Variants in LPO observed in about 807,000 individuals in gnomAD.
LPO encodes lactoperoxidase.
Under a neutral mutation model 68.4 loss-of-function variants are expected in LPO, and 70 were observed. The observed-to-expected ratio is 1.02, with a 90% CI of 0.84 to 1.25. The LOEUF is 1.25. Ranked by LOEUF, LPO falls within the 50% of genes most tolerant of loss-of-function variation. The pLI, the probability that LPO is intolerant of heterozygous loss-of-function variation, is 0.00. For missense variants in LPO, 873 were observed against 908.4 expected (o/e 0.96, Z 0.50); for synonymous variants, 360 against 357.6 (o/e 1.01, Z -0.08).
At chr17:58,267,666 A>T (rs933375716) in intron 12 of LPO, 80 bp downstream of exon 12, 3 of 1,463,568 alleles carry the variant, frequency 2.0e-6, no homozygotes, top group Non-Finnish European at 2.8e-6. Flanking sequence ...GTGAGCGCTG[A>T]CTCCGGATCT....
intron 9 of LPO, among the ~76,000 whole-genome samples, chr17:58,258,600 C>T (rs1970116221): frequency 6.6e-6 from 1 of 152,120 alleles, no homozygotes; most frequent in Non-Finnish European, 1.5e-5. Flanking sequence ...GTTCTTTTTG[C>T]TTAGGATAAC....
Position 58,250,723 on chromosome 17 carries a change from A to G in LPO, c.780+102A>G. 4.0e-6 allele frequency: 5 copies of G among 1,242,046 alleles called. No homozygotes were observed. The South Asian group carries it at 5.2e-5, about 13-fold the overall frequency. 76.9% of individuals were successfully genotyped at this position (1,242,046 alleles called of 1,614,324 possible). ...TAGGATCTCTGGATAGATCTGGGATACTGATTTGGTAGTTTCCCATGCCTC... is the reference window on the plus strand; with the variant it reads ...TAGGATCTCTGGATAGATCTGGGATGCTGATTTGGTAGTTTCCCATGCCTC... On this transcript the variant is annotated intron_variant, in intron 7 of 12. Coordinates refer to ENST00000262290, the MANE Select transcript of LPO (RefSeq NM_006151.3).
intron 9 of LPO, among the ~76,000 whole-genome samples, chr17:58,259,718 C>T (rs1245317407): frequency 1.3e-5 from 2 of 152,144 alleles, no homozygotes; most frequent in Non-Finnish European, 2.9e-5. Context: ...AAGTATGTCT[C>T]CCCAATCTTT....
At chr17:58,261,543 T>TAA (rs796408395) in intron 9 of LPO, among the ~76,000 whole-genome samples, 1 of 145,458 alleles carries the variant, frequency 6.9e-6, no homozygotes, top group Non-Finnish European at 1.5e-5. Context: ...TTGGGTCACT[T>TAA]AAAAAAAAAA....
intron 9 of LPO, among the ~76,000 whole-genome samples, chr17:58,255,700 A>T (rs1381641924): frequency 6.6e-6 from 1 of 152,134 alleles, no homozygotes; most frequent in East Asian, 1.9e-4. Flanking sequence ...TGTACAGGAA[A>T]TTTTTAAAAA....
At chr17:58,252,652 GC>G (rs2143912972) in intron 8 of LPO, 146 bp downstream of exon 8, 1 of 740,386 alleles carries the variant, frequency 1.4e-6, no homozygotes, top group Non-Finnish European at 2.2e-6. Context: ...TAGCAGAAGG[GC>G]CCAGATGAAT....
intron 11 of LPO, 141 bp downstream of exon 11, chr17:58,266,467 G>A: frequency 1.0e-6 from 1 of 984,608 alleles, no homozygotes; most frequent in Non-Finnish European, 1.4e-6. Flanking sequence ...TTTTGTTTGA[G>A]GTTTTTTTTT....
At position 58,268,164 on chromosome 17, in the gene LPO, G is replaced by C; in HGVS notation, c.*170G>C. The C allele has an allele frequency of 1.6e-6, 1 of 637,152 alleles. No homozygotes were observed. The highest frequency in any genetic ancestry group is 1.9e-5 in the South Asian group (1 of 51,502). The allele number at this position is 637,152 out of a possible 1,614,324, so 39.5% of individuals were successfully genotyped here. Reference sequence around the variant, plus strand: ...CTCAGGCCCCAGGGTGGCTGCCTCGGCCCTCCCAGCTCTTACACTCAGCTC... The same window carrying C: ...CTCAGGCCCCAGGGTGGCTGCCTCGCCCCTCCCAGCTCTTACACTCAGCTC... On this transcript the variant is annotated 3_prime_UTR_variant, in exon 13 of 13. Coordinates refer to ENST00000262290, the MANE Select transcript of LPO (RefSeq NM_006151.3).
intron 9 of LPO, among the ~76,000 whole-genome samples, chr17:58,257,566 A>C (rs1970095872): frequency 6.6e-6 from 1 of 152,196 alleles, no homozygotes; most frequent in South Asian, 2.1e-4. Context: ...GTTGCTTTCA[A>C]ATCTTAGCTA....
chr17:58,264,019 G>A (rs1970216734), intron 9 of LPO, among the ~76,000 whole-genome samples: 1 of 152,018 alleles, frequency 6.6e-6, no homozygotes, highest in Non-Finnish European at 1.5e-5. Context: ...TATGGCACTG[G>A]GTTAAGAGCA....
intron 9 of LPO, among the ~76,000 whole-genome samples, chr17:58,259,741 T>C (rs886160982): frequency 4.6e-5 from 7 of 152,224 alleles, no homozygotes; most frequent in African/African-American, 1.7e-4. Flanking sequence ...ATTTTTTATT[T>C]CTTTAATCAA....
chr17:58,250,660 G>T (rs747547619), intron 7 of LPO, 39 bp downstream of exon 7: 2 of 1,594,328 alleles, frequency 1.3e-6, no homozygotes, highest in African/African-American at 2.7e-5. Context: ...CTAGCCCCTT[G>T]CCCACCCTGA....
chr17:58,258,246 T>C (rs563761284), intron 9 of LPO, among the ~76,000 whole-genome samples: 2 of 152,228 alleles, frequency 1.3e-5, no homozygotes, highest in Non-Finnish European at 2.9e-5. Context: ...TTTTCCCCAA[T>C]GTTTTCTTGC....
chr17:58,243,940 C>T (rs1460288049), intron 2 of LPO, 54 bp from the exon 3 acceptor site: 76 of 1,174,450 alleles, frequency 6.5e-5, no homozygotes, highest in South Asian at 2.8e-4. Flanking sequence ...CAGAAGACAT[C>T]GCAAAGGAGT....
At chr17:58,267,142 G>T (rs1970282639) in intron 11 of LPO, among the ~76,000 whole-genome samples, 1 of 152,218 alleles carries the variant, frequency 6.6e-6, no homozygotes, top group South Asian at 2.1e-4. Context: ...TAACTTTCAT[G>T]ATTGCTTAGT....
At chr17:58,239,956 A>C (rs1969723398) in intron 1 of LPO, among the ~76,000 whole-genome samples, 1 of 152,216 alleles carries the variant, frequency 6.6e-6, no homozygotes. Flanking sequence ...GCATGCACCC[A>C]ACACCTATTA....
At chr17:58,265,359 C>T (rs916537492) in intron 10 of LPO, among the ~76,000 whole-genome samples, 1 of 152,152 alleles carries the variant, frequency 6.6e-6, no homozygotes, top group African/African-American at 2.4e-5. Flanking sequence ...TTTCTGATCT[C>T]TTCTAGAGTT....
intron 3 of LPO, among the ~76,000 whole-genome samples, chr17:58,245,383 C>T (rs1478248488): frequency 6.6e-6 from 1 of 152,062 alleles, no homozygotes; most frequent in Non-Finnish European, 1.5e-5. Context: ...TCTCTCTCCC[C>T]TTGGGTGCTT....
At chr17:58,265,300 C>T (rs190300390) in intron 10 of LPO, among the ~76,000 whole-genome samples, 15 of 152,172 alleles carry the variant, frequency 9.9e-5, no homozygotes, top group East Asian at 9.7e-4. Context: ...CTCCTTTCCC[C>T]GCCCTAGGCT....
Sources: gnomAD v4.1 joint callset for allele counts (sites outside exome capture counted in the v4.1 genomes callset) on GRCh38, gnomAD v4.1.1 for gene constraint, MANE v1.5 for transcripts, NCBI Gene and HGNC (gene_info 2026-07-23, HGNC 2026-07-21) for gene names.